The following SLC67A2 variants were observed in gnomAD, a reference collection of about 807,000 sequenced individuals.
SLC67A2 encodes the protein solute carrier family 67 member A2.
At chr2:102,726,704 G>A in the SLC67A2 span, 2 of 1,236,092 alleles carry the variant, frequency 1.6e-6, no homozygotes, top group Admixed American at 5.5e-5. Flanking sequence ...GCCAGGCACG[G>A]CTCCCTTCTG....
chr2:102,720,503 C>A, the SLC67A2 span, among the ~76,000 whole-genome samples: 1 of 152,188 alleles, frequency 6.6e-6, no homozygotes, highest in African/African-American at 2.4e-5. Context: ...TTCCAATATT[C>A]ATGGAGTTCG....
chr2:102,717,589 A>T, the SLC67A2 span: 1 of 152,388 alleles, frequency 6.6e-6, no homozygotes, highest in Non-Finnish European at 1.5e-5. Flanking sequence ...GAGCACAGGG[A>T]ACAGGTCCCA....
At chr2:102,722,316 A>G in the SLC67A2 span, among the ~76,000 whole-genome samples, 39 of 152,296 alleles carry the variant, frequency 2.6e-4, no homozygotes, top group African/African-American at 9.4e-4. Flanking sequence ...CCTGGCATAC[A>G]TATGGTAGAC....
At chr2:102,726,784 C>T in the SLC67A2 span, 2 of 1,497,940 alleles carry the variant, frequency 1.3e-6, no homozygotes, top group Non-Finnish European at 1.8e-6. Context: ...CGTGCAGTTT[C>T]ACATATTGAG....
chr2:102,715,637 A>C, the SLC67A2 span, among the ~76,000 whole-genome samples: 18 of 152,154 alleles, frequency 1.2e-4, no homozygotes, highest in African/African-American at 4.3e-4. Flanking sequence ...TGGCTGGCAG[A>C]GTGTTGGAAA....
chr2:102,719,149 C>A, the SLC67A2 span: 5 of 1,614,216 alleles, frequency 3.1e-6, no homozygotes, highest in South Asian at 5.5e-5. Context: ...TTCGCAATGG[C>A]AGGCCCTTCT....
chr2:102,721,683 C>G, the SLC67A2 span, among the ~76,000 whole-genome samples: 4 of 116,870 alleles, frequency 3.4e-5, no homozygotes, highest in African/African-American at 6.6e-5. Flanking sequence ...GTGTGTGTGT[C>G]TGTGTGTGTG....
chr2:102,734,693 G>A, the SLC67A2 span, among the ~76,000 whole-genome samples: 1 of 151,172 alleles, frequency 6.6e-6, no homozygotes, highest in Non-Finnish European at 1.5e-5. Flanking sequence ...TCAACTTTTG[G>A]GAAACCATAA....
chr2:102,715,241 TC>T, the SLC67A2 span, among the ~76,000 whole-genome samples: 2 of 152,194 alleles, frequency 1.3e-5, no homozygotes, highest in Non-Finnish European at 2.9e-5. Context: ...CAGGAATTCT[TC>T]CGTCATTCCC....
chr2:102,727,123 G>GAAAA, the SLC67A2 span: 5 of 782,848 alleles, frequency 6.4e-6, no homozygotes, highest in Non-Finnish European at 7.5e-6. Context: ...ATTTGTCAGA[G>GAAAA]TAAGTTATTT....
chr2:102,723,038 A>T, the SLC67A2 span, among the ~76,000 whole-genome samples: 5 of 152,264 alleles, frequency 3.3e-5, no homozygotes, highest in Non-Finnish European at 5.9e-5. Flanking sequence ...TGGCTGATGG[A>T]AAAACAAAAG....
At chr2:102,726,956 C>T in the SLC67A2 span, 1 of 1,613,652 alleles carries the variant, frequency 6.2e-7, no homozygotes, top group South Asian at 1.1e-5. Context: ...CGTCTTCCCA[C>T]TACATCGCTC....
At chr2:102,722,948 C>CA in the SLC67A2 span, among the ~76,000 whole-genome samples, 17 of 151,110 alleles carry the variant, frequency 1.1e-4, no homozygotes, top group East Asian at 1.9e-4. Context: ...AACTCAACAG[C>CA]AAAAAAAACA....
the SLC67A2 span, among the ~76,000 whole-genome samples, chr2:102,733,984 T>A: frequency 6.6e-6 from 1 of 152,200 alleles, no homozygotes. Context: ...CAGGAAGTTC[T>A]GTTCTAAAAT....
At chr2:102,722,336 A>G in the SLC67A2 span, among the ~76,000 whole-genome samples, 1 of 152,232 alleles carries the variant, frequency 6.6e-6, no homozygotes, top group Non-Finnish European at 1.5e-5. Context: ...CCAGAAAGCC[A>G]GCATGGCCAG....
At chr2:102,727,051 G>T in the SLC67A2 span, 1 of 1,515,008 alleles carries the variant, frequency 6.6e-7, no homozygotes, top group Non-Finnish European at 8.9e-7. Context: ...AAAACAAAGT[G>T]ACCAGGGGAA....
the SLC67A2 span, among the ~76,000 whole-genome samples, chr2:102,726,465 G>A: frequency 6.6e-6 from 1 of 152,140 alleles, no homozygotes; most frequent in African/African-American, 2.4e-5. Flanking sequence ...CAGAGTGCCT[G>A]GCCCATGCTA....
chr2:102,727,884 T>C, the SLC67A2 span, among the ~76,000 whole-genome samples: 2 of 152,232 alleles, frequency 1.3e-5, no homozygotes, highest in Non-Finnish European at 2.9e-5. Flanking sequence ...TTTAAAATTA[T>C]GTTTGCCTTT....
At chr2:102,718,951 T>C in the SLC67A2 span, 6 of 1,614,236 alleles carry the variant, frequency 3.7e-6, no homozygotes, top group Non-Finnish European at 4.2e-6. Context: ...ACAGCATGAC[T>C]GCCATGGCCA....
Sources: allele counts gnomAD v4.1 joint callset (sites outside exome capture counted in the v4.1 genomes callset), GRCh38; gene constraint gnomAD v4.1.1; transcripts MANE v1.5; gene names NCBI Gene and HGNC (gene_info 2026-07-23, HGNC 2026-07-21).